Variants in KANK4 observed in about 807,000 individuals in gnomAD.
KANK4 encodes the protein KN motif and ankyrin repeat domains 4.
In KANK4, 50 loss-of-function variants were observed where a neutral mutation model predicts 80.8. The observed-to-expected ratio is 0.62, with a 90% CI of 0.49 to 0.78. The LOEUF is 0.78. Among genes scored for constraint, KANK4 ranks in the 30% least tolerant of loss-of-function variants. The pLI, the probability that KANK4 is intolerant of heterozygous loss-of-function variation, is 0.00. For missense variants in KANK4, 1,196 were observed against 1,240.1 expected (o/e 0.96, Z 0.53); for synonymous variants, 465 against 506.9 (o/e 0.92, Z 1.11).
intron 5 of KANK4, among the ~76,000 whole-genome samples, chr1:62,267,741 G>A (rs1246520586): frequency 6.6e-6 from 1 of 150,718 alleles, no homozygotes; most frequent in African/African-American, 2.4e-5. Flanking sequence ...GGCAGAGGTT[G>A]CAGTGAGCCG....
chr1:62,314,977 T>A (rs1456427352), intron 1 of KANK4, among the ~76,000 whole-genome samples: 1 of 152,236 alleles, frequency 6.6e-6, no homozygotes, highest in Non-Finnish European at 1.5e-5. Flanking sequence ...GTACTTTAAA[T>A]CTTGGACAGC....
Position 62,274,065 on chromosome 1 carries a change from G to A in KANK4, c.1039C>T (p.Gln347Ter), listed in dbSNP as rs753217935. ...TCTCCCTCCAGGGCCGAGACCTGCTGTTTCAGGCTGGAGATGCTGCCTGGA... is the reference window on the plus strand; with the variant it reads ...TCTCCCTCCAGGGCCGAGACCTGCTATTTCAGGCTGGAGATGCTGCCTGGA... ...VDPGSISSLK[Q>*]QVSALEGELS... Residue 347 changes from glutamine (Q) to a stop codon, truncating the protein, a stop_gained, in exon 3 of 10, where the codon CAG (glutamine) becomes TAG (stop). Transcript: ENST00000371153. LOFTEE classifies it high-confidence loss of function. 6.2e-7 allele frequency: 1 copy of A among 1,614,186 alleles called. No individual in the cohort carries two copies. Among genetic ancestry groups the A allele is most frequent in the South Asian group, 1.1e-5 (1 of 91,086 alleles).
chr1:62,274,546 G>A lies in KANK4; in HGVS notation c.558C>T (p.Ala186=). 6 of 1,614,132 alleles carry A rather than the reference G, an allele frequency of 3.7e-6. No individual in the cohort carries two copies. The highest frequency in any genetic ancestry group is 5.1e-6 in the Non-Finnish European group (6 of 1,179,960). Residue 186 remains alanine (A), a synonymous_variant, in exon 3 of 10, where the codon GCC becomes GCT. Coordinates refer to ENST00000371153, the MANE Select transcript of KANK4 (RefSeq NM_181712.5). ...CCTGAAGGGGAGGGAGGGCAGGAGGGGCAGGGGGCCCCAGGCTCAGGCCTG... is the reference window on the plus strand; with the variant it reads ...CCTGAAGGGGAGGGAGGGCAGGAGGAGCAGGGGGCCCCAGGCTCAGGCCTG... ...EEPGLSLGPP[A]PPALPPLQGE...
At chr1:62,299,540 G>A (rs1644394681) in intron 1 of KANK4, among the ~76,000 whole-genome samples, 1 of 152,108 alleles carries the variant, frequency 6.6e-6, no homozygotes, top group Non-Finnish European at 1.5e-5. Flanking sequence ...TTGCCAAGGA[G>A]CAGAGAAAAA....
chr1:62,274,689 GTCTGGTGGC>G lies in KANK4; in HGVS notation c.406_414del (p.Ala136_Arg138del). On this transcript the variant is annotated inframe_deletion, in exon 3 of 10. Transcript: ENST00000371153. ...TCCTCTGGCTCAGCAGCTTCCAACT[GTCTGGTGGC>G]CTCTGCCAACAGAGCCTTCCTGTGG... 6.2e-7 allele frequency: 1 copy of G among 1,614,226 alleles called. No individual in the cohort carries two copies. The highest frequency in any genetic ancestry group is 8.5e-7 in the Non-Finnish European group (1 of 1,180,050).
rs200228736 is a variant in KANK4, at chr1:62,273,269, G to A, written c.1835C>T (p.Ser612Leu). 1.0e-5 allele frequency: 16 copies of A among 1,561,472 alleles called. No homozygotes were observed. In the Admixed American group the frequency reaches 1.7e-4, roughly 17 times the overall value. The change falls in exon 3 of 10, where the codon TCG (serine) becomes TTG (leucine). Residue 612 changes from serine to leucine, a missense_variant. Around this residue, in one of 3 missense-constraint regions of KANK4, gnomAD observed 1,154 missense variants for 1,179.6 expected, o/e 0.98. Coordinates refer to ENST00000371153, the MANE Select transcript of KANK4 (RefSeq NM_181712.5). The part of the protein sequence containing the change: ...QLLSSLNLLL[S>L]AYSAQAHPPK... The stretch of plus-strand genomic sequence containing the variant: ...TGGGTGAGCCTGGGCCGAGTAGGCC[G>A]ACAGCAGCAGGTTGAGGGAGCTCAG...
chr1:62,278,646 C>T (rs1298199043), intron 2 of KANK4, among the ~76,000 whole-genome samples: 1 of 151,908 alleles, frequency 6.6e-6, no homozygotes, highest in Non-Finnish European at 1.5e-5. Flanking sequence ...CCACCTGCCT[C>T]GGCCTCCCAA....
chr1:62,318,007 G>A (rs1239147912), intron 1 of KANK4, among the ~76,000 whole-genome samples: 2 of 152,132 alleles, frequency 1.3e-5, no homozygotes, highest in African/African-American at 4.8e-5. Flanking sequence ...GTATTAGAAC[G>A]GACTCTGCCT....
intron 1 of KANK4, among the ~76,000 whole-genome samples, chr1:62,287,609 T>C (rs2149158100): frequency 6.6e-6 from 1 of 152,298 alleles, no homozygotes; most frequent in East Asian, 1.9e-4. Context: ...AATCTCCCCA[T>C]TGTAAAGGTG....
intron 1 of KANK4, among the ~76,000 whole-genome samples, chr1:62,318,656 G>C (rs1287224068): frequency 6.6e-6 from 1 of 152,222 alleles, no homozygotes; most frequent in Non-Finnish European, 1.5e-5. Flanking sequence ...AGCAGTGGGA[G>C]CCCGCGGCAA....
At chr1:62,295,918 T>C (rs1248080168) in intron 1 of KANK4, among the ~76,000 whole-genome samples, 1 of 149,804 alleles carries the variant, frequency 6.7e-6, no homozygotes, top group Non-Finnish European at 1.5e-5. Context: ...CGCATAACAA[T>C]AAAAATAGTT....
At chr1:62,251,926 A>G (rs1259715173) in intron 8 of KANK4, among the ~76,000 whole-genome samples, 1 of 143,934 alleles carries the variant, frequency 6.9e-6, no homozygotes, top group African/African-American at 2.6e-5. Flanking sequence ...CAGGAGGTGG[A>G]GGTTGCGGTG....
In KANK4 at chr1:62,253,116, A is replaced by G. The variant is rs772698544; in HGVS notation, c.2633T>C (p.Val878Ala). 1.8e-4 allele frequency: 291 copies of G among 1,613,656 alleles called. No individual in the cohort carries two copies. Among genetic ancestry groups the G allele is most frequent in the Non-Finnish European group, 2.4e-4 (282 of 1,179,948 alleles). ...TCCTTCTCTTAAGAGCTTCCAGACA[A>G]CAGCCATGTCTTCATTGGTCTCTGC... ...ASAETNEDMA[V>A]VWKLLREGNV... Residue 878 changes from valine to alanine, a missense_variant, in exon 8 of 10, where the codon GTT becomes GCT. By Grantham distance (64) the Val-to-Ala change is moderately conservative. Coordinates refer to ENST00000371153, the MANE Select transcript of KANK4 (RefSeq NM_181712.5).
At chr1:62,267,794 T>C (rs1570992237) in intron 5 of KANK4, among the ~76,000 whole-genome samples, 3 of 118,626 alleles carry the variant, frequency 2.5e-5, no homozygotes, top group Middle Eastern at 4.3e-3. Context: ...AGTGCAAGAC[T>C]CCGTCTCAAA....
chr1:62,296,278 C>G (rs1644363172), intron 1 of KANK4, among the ~76,000 whole-genome samples: 1 of 152,192 alleles, frequency 6.6e-6, no homozygotes, highest in African/African-American at 2.4e-5. Context: ...TCCCCAACAT[C>G]CTTATGTGAA....
chr1:62,313,949 T>C (rs999617525), intron 1 of KANK4, among the ~76,000 whole-genome samples: 1 of 152,214 alleles, frequency 6.6e-6, no homozygotes, highest in Non-Finnish European at 1.5e-5. Context: ...CTGTAGACCC[T>C]GACCACACTA....
At chr1:62,262,219 C>T (rs1671903132) in intron 7 of KANK4, among the ~76,000 whole-genome samples, 2 of 152,286 alleles carry the variant, frequency 1.3e-5, no homozygotes, top group African/African-American at 2.4e-5. Flanking sequence ...GAGTACAAAA[C>T]CTGACTCTAC....
At chr1:62,238,487 T>C (rs1671261056) in intron 9 of KANK4, 106 bp from the exon 10 acceptor site, 2 of 864,406 alleles carry the variant, frequency 2.3e-6, no homozygotes, top group Non-Finnish European at 3.8e-6. Context: ...CACAGGTGTC[T>C]ATTAAGGCTT....
chr1:62,315,218 C>G (rs1036564317), intron 1 of KANK4, among the ~76,000 whole-genome samples: 1 of 152,158 alleles, frequency 6.6e-6, no homozygotes, highest in Admixed American at 6.5e-5. Flanking sequence ...ATCTAGGCTC[C>G]AATCCCAGGA....
Sources: allele counts gnomAD v4.1 joint callset (sites outside exome capture counted in the v4.1 genomes callset), GRCh38; gene constraint gnomAD v4.1.1; regional missense constraint gnomAD v4.1.1; transcripts MANE v1.5; gene names NCBI Gene and HGNC (gene_info 2026-07-23, HGNC 2026-07-21).